NPAS3: variants seen among roughly 807,000 people sequenced by gnomAD.
The protein encoded by NPAS3 is neuronal PAS domain protein 3.
In NPAS3, 14 loss-of-function variants were observed where a neutral mutation model predicts 73.1. The ratio of observed to expected loss-of-function variants is 0.19; its 90% CI spans 0.13 to 0.30. NPAS3 has a LOEUF of 0.30. Ranked by LOEUF, NPAS3 falls within the 10% of genes least tolerant of loss-of-function variation. The pLI is 1.00. For synonymous variants in NPAS3, 620 were observed against 541.5 expected (o/e 1.14, Z -2.01); for missense variants, 1,096 against 1,250.0 (o/e 0.88, Z 1.86).
At chr14:33,243,262 G>A (rs1278405066) in intron 3 of NPAS3, among the ~76,000 whole-genome samples, 1 of 152,100 alleles carries the variant, frequency 6.6e-6, no homozygotes, top group East Asian at 1.9e-4. Context: ...AAAGTTTCTG[G>A]AGAGAATAAT....
chr14:33,799,633 C>G, intron 11 of NPAS3, 101 bp from the exon 12 acceptor site: 1 of 1,261,580 alleles, frequency 7.9e-7, no homozygotes. Flanking sequence ...TGCTCCCCGC[C>G]CCAGCCCCTG....
intron 4 of NPAS3, among the ~76,000 whole-genome samples, chr14:33,487,394 G>A (rs1358967504): frequency 6.6e-6 from 1 of 152,106 alleles, no homozygotes; most frequent in Non-Finnish European, 1.5e-5. Flanking sequence ...CATAAAATCA[G>A]AAATAAGTGT....
intron 5 of NPAS3, among the ~76,000 whole-genome samples, chr14:33,660,776 G>A (rs776584579): frequency 6.6e-6 from 1 of 152,110 alleles, no homozygotes; most frequent in Non-Finnish European, 1.5e-5. Flanking sequence ...TCAAAAATGG[G>A]AAATCATCTA....
At chr14:33,147,730 A>ATATATAT (rs1555344654) in intron 2 of NPAS3, among the ~76,000 whole-genome samples, 16 of 130,360 alleles carry the variant, frequency 1.2e-4, no homozygotes, top group South Asian at 2.4e-4. Context: ...TAGAATAAAA[A>ATATATAT]ATATATATAT....
chr14:33,381,209 G>C (rs2046536937), intron 4 of NPAS3, among the ~76,000 whole-genome samples: 1 of 152,138 alleles, frequency 6.6e-6, no homozygotes, highest in Admixed American at 6.5e-5. Flanking sequence ...ATCCTCTCTT[G>C]AGATCACATT....
chr14:33,303,932 G>T (rs2042654285), intron 3 of NPAS3, among the ~76,000 whole-genome samples: 1 of 152,120 alleles, frequency 6.6e-6, no homozygotes, highest in African/African-American at 2.4e-5. Context: ...TTTTGAGACG[G>T]AGTCTCGCTC....
At chr14:33,030,305 T>G (rs1487729291) in intron 1 of NPAS3, among the ~76,000 whole-genome samples, 2 of 152,072 alleles carry the variant, frequency 1.3e-5, no homozygotes, top group African/African-American at 4.8e-5. Context: ...ATTTAAGGAG[T>G]ATTTGAGATT....
At chr14:33,749,198 C>G (rs1300794977) in intron 7 of NPAS3, among the ~76,000 whole-genome samples, 3 of 152,176 alleles carry the variant, frequency 2.0e-5, no homozygotes, top group African/African-American at 7.2e-5. Context: ...ATTCCATAAA[C>G]AGTGGCAAAT....
intron 1 of NPAS3, among the ~76,000 whole-genome samples, chr14:32,997,582 G>A (rs887216295): frequency 2.6e-5 from 4 of 151,998 alleles, no homozygotes; most frequent in Non-Finnish European, 5.9e-5. Flanking sequence ...TTTTAAAAAC[G>A]GGAGTTTCTC....
chr14:33,613,352 T>G (rs1196712463), intron 5 of NPAS3, among the ~76,000 whole-genome samples: 1 of 152,240 alleles, frequency 6.6e-6, no homozygotes, highest in East Asian at 1.9e-4. Context: ...GCCTTCCCCT[T>G]CCTATATTGC....
chr14:33,367,959 C>T (rs2045918043), intron 4 of NPAS3, among the ~76,000 whole-genome samples: 1 of 152,088 alleles, frequency 6.6e-6, no homozygotes, highest in Admixed American at 6.6e-5. Context: ...ATCGATTCAA[C>T]ACTTCTGCCT....
chr14:33,573,639 T>C (rs2056320488), intron 5 of NPAS3, among the ~76,000 whole-genome samples: 1 of 152,064 alleles, frequency 6.6e-6, no homozygotes, highest in Non-Finnish European at 1.5e-5. Context: ...GAGAGATGAG[T>C]CTGGAAAGTT....
intron 5 of NPAS3, among the ~76,000 whole-genome samples, chr14:33,603,810 A>G (rs969636935): frequency 3.3e-5 from 5 of 152,170 alleles, no homozygotes; most frequent in African/African-American, 1.2e-4. Flanking sequence ...TTAAAAGATA[A>G]TAGTCTGAAC....
chr14:33,022,537 A>T (rs1050477428), intron 1 of NPAS3, among the ~76,000 whole-genome samples: 3 of 151,874 alleles, frequency 2.0e-5, no homozygotes, highest in African/African-American at 4.8e-5. Flanking sequence ...TGGTGGCGGG[A>T]GCCTGTAGTC....
intron 2 of NPAS3, among the ~76,000 whole-genome samples, chr14:33,170,660 C>T (rs2045355773): frequency 6.6e-6 from 1 of 152,220 alleles, no homozygotes; most frequent in Non-Finnish European, 1.5e-5. Context: ...ACAACATCTT[C>T]ACCAGGAGTA....
At chr14:33,069,177 C>T (rs923299128) in intron 2 of NPAS3, among the ~76,000 whole-genome samples, 5 of 152,040 alleles carry the variant, frequency 3.3e-5, no homozygotes, top group Non-Finnish European at 7.4e-5. Context: ...AGAGAGAAGT[C>T]GATATTGAAT....
chr14:33,543,837 GA>G (rs1370419620), intron 4 of NPAS3, among the ~76,000 whole-genome samples: 1 of 151,732 alleles, frequency 6.6e-6, no homozygotes, highest in Non-Finnish European at 1.5e-5. Flanking sequence ...TCTCTGCCAT[GA>G]AAGAATGGGG....
At chr14:33,186,390 T>C (rs774436646) in intron 2 of NPAS3, among the ~76,000 whole-genome samples, 52 of 152,228 alleles carry the variant, frequency 3.4e-4, no homozygotes, top group Non-Finnish European at 6.5e-4. Context: ...ACAACTTAAG[T>C]ATTTTTTAAA....
chr14:33,446,336 C>T (rs559265155), intron 4 of NPAS3, among the ~76,000 whole-genome samples: 9 of 151,330 alleles, frequency 5.9e-5, no homozygotes, highest in East Asian at 3.9e-4. Context: ...CCACCGCGCC[C>T]GGCTAATTTT....
Sources: allele counts gnomAD v4.1 joint callset (sites outside exome capture counted in the v4.1 genomes callset), GRCh38; gene constraint gnomAD v4.1.1; transcripts MANE v1.5; gene names NCBI Gene and HGNC (gene_info 2026-07-23, HGNC 2026-07-21).